Variants in OSBPL1A observed in about 807,000 individuals in gnomAD.
OSBPL1A encodes the protein oxysterol binding protein like 1A.
OSBPL1A carries 80 observed loss-of-function variants against 137.1 expected under a neutral mutation model. That is an observed-to-expected ratio of 0.58 (90% CI 0.49 to 0.70). The LOEUF is 0.70. OSBPL1A is among the 30% of genes least tolerant of loss of function. OSBPL1A has a pLI of 0.00. For synonymous variants in OSBPL1A, 365 were observed against 389.7 expected (o/e 0.94, Z 0.75); for missense variants, 970 against 1,129.4 (o/e 0.86, Z 2.02).
At chr18:24,276,095 A>G (rs1022459569) in intron 15 of OSBPL1A, among the ~76,000 whole-genome samples, 2 of 152,172 alleles carry the variant, frequency 1.3e-5, no homozygotes, top group African/African-American at 2.4e-5. Context: ...AAATATGTAT[A>G]AAACACTTGA....
intron 15 of OSBPL1A, among the ~76,000 whole-genome samples, chr18:24,245,277 G>C (rs1237537276): frequency 6.6e-6 from 1 of 151,536 alleles, no homozygotes; most frequent in Non-Finnish European, 1.5e-5. Flanking sequence ...TTTTTCGGCA[G>C]AGACGGGTCT....
chr18:24,354,036 G>A (rs2091490897), intron 4 of OSBPL1A, among the ~76,000 whole-genome samples: 1 of 151,680 alleles, frequency 6.6e-6, no homozygotes, highest in Admixed American at 6.6e-5. Flanking sequence ...CCTGCATGTT[G>A]TGCACATGTA....
intron 1 of OSBPL1A, among the ~76,000 whole-genome samples, chr18:24,382,733 A>C (rs1442301542): frequency 6.6e-6 from 1 of 151,032 alleles, no homozygotes; most frequent in Admixed American, 6.6e-5. Context: ...AAATTAAGCC[A>C]GGCATGGTGG....
At chr18:24,370,956 A>G (rs9961322) in intron 2 of OSBPL1A, among the ~76,000 whole-genome samples, 2,041 of 152,300 alleles carry the variant, frequency 0.013, 37 homozygotes, top group African/African-American at 0.04. Context: ...GGGGTGAGCC[A>G]CTGCACCAGG....
chr18:24,198,766 A>T (rs1374548417), intron 17 of OSBPL1A, among the ~76,000 whole-genome samples: 1 of 152,008 alleles, frequency 6.6e-6, no homozygotes, highest in African/African-American at 2.4e-5. Flanking sequence ...GCAATCTCAG[A>T]CTGCCACAAT....
intron 21 of OSBPL1A, among the ~76,000 whole-genome samples, 169 bp from the exon 22 acceptor site, chr18:24,172,652 T>C (rs80187020): frequency 0.038 from 5,815 of 152,282 alleles, 147 homozygotes; most frequent in South Asian, 0.097. Context: ...AAAATTGGGA[T>C]CATTTGCCCA....
intron 15 of OSBPL1A, among the ~76,000 whole-genome samples, chr18:24,278,400 CTG>C (rs754284105): frequency 1.6e-4 from 25 of 152,174 alleles, no homozygotes; most frequent in Non-Finnish European, 3.4e-4. Flanking sequence ...CTTACAATAA[CTG>C]TTAACTTTTA....
At chr18:24,256,324 A>G (rs541665819) in intron 15 of OSBPL1A, among the ~76,000 whole-genome samples, 7 of 152,356 alleles carry the variant, frequency 4.6e-5, no homozygotes, top group African/African-American at 1.7e-4. Flanking sequence ...AACATATGCA[A>G]ATCAACCAGT....
chr18:24,294,873 C>T (rs1181210726), intron 14 of OSBPL1A, among the ~76,000 whole-genome samples: 1 of 152,214 alleles, frequency 6.6e-6, no homozygotes, highest in Non-Finnish European at 1.5e-5. Flanking sequence ...CTGCTGTGAA[C>T]ATGGATGTGC....
chr18:24,213,214 C>T (rs1028942095), intron 17 of OSBPL1A, among the ~76,000 whole-genome samples: 4 of 152,084 alleles, frequency 2.6e-5, no homozygotes, highest in Admixed American at 2.0e-4. Context: ...AGTCATATAC[C>T]TTTTTTAGTT....
At chr18:24,336,767 T>G (rs2091182834) in intron 5 of OSBPL1A, among the ~76,000 whole-genome samples, 1 of 152,212 alleles carries the variant, frequency 6.6e-6, no homozygotes, top group South Asian at 2.1e-4. Flanking sequence ...ATAGGCTGAA[T>G]AGTAGTACAC....
intron 4 of OSBPL1A, among the ~76,000 whole-genome samples, chr18:24,344,678 C>T (rs904518348): frequency 2.6e-5 from 4 of 152,088 alleles, no homozygotes; most frequent in Non-Finnish European, 5.9e-5. Context: ...GAGCAGAGGA[C>T]CTGGATGCCT....
chr18:24,199,313 C>T (rs1255518609), intron 17 of OSBPL1A, among the ~76,000 whole-genome samples: 1 of 152,100 alleles, frequency 6.6e-6, no homozygotes, highest in African/African-American at 2.4e-5. Context: ...ACAGTGGGCA[C>T]AAGGGGGGTC....
At chr18:24,254,851 A>T (rs1383340790) in intron 15 of OSBPL1A, among the ~76,000 whole-genome samples, 1 of 152,208 alleles carries the variant, frequency 6.6e-6, no homozygotes, top group Non-Finnish European at 1.5e-5. Context: ...AATAATAAAG[A>T]TCAGAGCAGA....
intron 17 of OSBPL1A, among the ~76,000 whole-genome samples, chr18:24,204,005 G>A (rs1282620179): frequency 1.3e-5 from 2 of 152,182 alleles, no homozygotes; most frequent in Admixed American, 1.3e-4. Flanking sequence ...TTCGATATAT[G>A]ATGTATTCTT....
intron 15 of OSBPL1A, among the ~76,000 whole-genome samples, chr18:24,262,392 G>GTT (rs34727119): frequency 1.8e-3 from 272 of 149,202 alleles, no homozygotes; most frequent in Middle Eastern, 3.4e-3. Context: ...AAAATAAATA[G>GTT]TTTTTTTTTT....
intron 27 of OSBPL1A, among the ~76,000 whole-genome samples, chr18:24,164,420 G>GTTTTTTTTTT (rs35343209): frequency 2.1e-5 from 2 of 95,970 alleles, no homozygotes; most frequent in African/African-American, 4.7e-5. Flanking sequence ...GAGATTTTTG[G>GTTTTTTTTTT]TTTTTTTTTT....
intron 14 of OSBPL1A, among the ~76,000 whole-genome samples, chr18:24,295,278 C>A (rs2146092533): frequency 6.6e-6 from 1 of 152,138 alleles, no homozygotes; most frequent in Non-Finnish European, 1.5e-5. Flanking sequence ...ATTTTTCTTG[C>A]TGATTTGTTT....
chr18:24,385,991 T>C (rs1171796550), intron 1 of OSBPL1A, among the ~76,000 whole-genome samples: 1 of 152,006 alleles, frequency 6.6e-6, no homozygotes, highest in African/African-American at 2.4e-5. Context: ...GCACCAAGGC[T>C]GGCGGGCAGG....
Sources: allele counts gnomAD v4.1 joint callset (sites outside exome capture counted in the v4.1 genomes callset), GRCh38; gene constraint gnomAD v4.1.1; transcripts MANE v1.5; gene names NCBI Gene and HGNC (gene_info 2026-07-23, HGNC 2026-07-21).